Variants in GDAP2 observed in about 807,000 individuals in gnomAD.
GDAP2 encodes ganglioside induced differentiation associated protein 2, also known as ganglioside-induced differentiation-associated protein 2.
GDAP2 carries 51 observed loss-of-function variants against 67.0 expected under a neutral mutation model. The ratio of observed to expected loss-of-function variants is 0.76; its 90% CI spans 0.61 to 0.96. GDAP2 has a LOEUF of 0.96. Among genes scored for constraint, GDAP2 ranks in the 40% least tolerant of loss-of-function variants. GDAP2 has a pLI of 0.00. For synonymous variants in GDAP2, 203 were observed against 207.3 expected, an observed-to-expected ratio of 0.98 and a Z score of 0.18; for missense variants, 547 against 588.3, an observed-to-expected ratio of 0.93 and a Z score of 0.73.
At chr1:117,928,625 G>A (rs1415222580) in intron 1 of GDAP2, among the ~76,000 whole-genome samples, 1 of 152,176 alleles carries the variant, frequency 6.6e-6, no homozygotes, top group Non-Finnish European at 1.5e-5. Flanking sequence ...CTTTGCTATT[G>A]CAATTTTCTT....
chr1:117,921,608 G>A (rs1183752330), intron 1 of GDAP2, among the ~76,000 whole-genome samples: 1 of 152,214 alleles, frequency 6.6e-6, no homozygotes, highest in Non-Finnish European at 1.5e-5. Context: ...TAGGTAATGA[G>A]TGGTAGGTGA....
At position 117,892,549 on chromosome 1, in the gene GDAP2, C is replaced by CTATTATTTTATTTT. The variant is rs574693547; in HGVS notation, c.953+4283_953+4284insAAAATAAAATAATA. On this transcript the variant is annotated intron_variant, in intron 8 of 13. Transcript: ENST00000369443. Reference sequence around the variant, plus strand: ...TTTCTTATTCCAAATAAACAAACTTCTATTATTTTATGAGTAAATATAATA... The same window carrying CTATTATTTTATTTT: ...TTTCTTATTCCAAATAAACAAACTTCTATTATTTTATTTTTATTATTTTATGAGTAAATATAATA... Among the ~76,000 whole-genome samples the CTATTATTTTATTTT allele has an allele frequency of 2.7e-3, 405 of 152,156 alleles. 5 individuals carry two copies. In the East Asian group the frequency reaches 0.032, roughly 12 times the overall value.
intron 2 of GDAP2, 124 bp from the exon 3 acceptor site, chr1:117,918,860 TA>T: frequency 1.3e-6 from 1 of 741,232 alleles, no homozygotes; most frequent in African/African-American, 1.8e-5. Context: ...GCTCACAAGC[TA>T]AGCAATAGTA....
intron 1 of GDAP2, among the ~76,000 whole-genome samples, chr1:117,927,874 CTA>C (rs1557813790): frequency 1.3e-5 from 2 of 152,092 alleles, no homozygotes; most frequent in African/African-American, 2.4e-5. Context: ...ATGAACTGCA[CTA>C]TGTTTTAATT....
chr1:117,881,759 C>G, intron 12 of GDAP2, 64 bp downstream of exon 12: 1 of 852,534 alleles, frequency 1.2e-6, no homozygotes, highest in Non-Finnish European at 2.0e-6. Flanking sequence ...GAGCTATTAT[C>G]TTAATACTCT....
chr1:117,880,057 C>T (rs1224446939), intron 12 of GDAP2, among the ~76,000 whole-genome samples: 1 of 152,084 alleles, frequency 6.6e-6, no homozygotes, highest in Non-Finnish European at 1.5e-5. Context: ...TGATGGTGCA[C>T]GTCTGCAGTC....
At chr1:117,875,840 G>C (rs1412347682) in intron 13 of GDAP2, among the ~76,000 whole-genome samples, 2 of 152,172 alleles carry the variant, frequency 1.3e-5, no homozygotes, top group East Asian at 3.9e-4. Flanking sequence ...TTTTGGAATG[G>C]GAATGTTTAC....
intron 8 of GDAP2, among the ~76,000 whole-genome samples, chr1:117,888,033 G>GGTA (rs1648930231): frequency 1.3e-5 from 2 of 152,060 alleles, no homozygotes; most frequent in Non-Finnish European, 2.9e-5. Flanking sequence ...AGGTTGTACA[G>GGTA]GTAAATGGCT....
At chr1:117,883,437 T>C (rs1648734792) in intron 11 of GDAP2, 51 bp downstream of exon 11, 3 of 1,384,616 alleles carry the variant, frequency 2.2e-6, no homozygotes, top group Admixed American at 3.5e-5. Context: ...CTGCTTAATA[T>C]TAGAAAAGAA....
chr1:117,929,244 C>T (rs1650588277), intron 1 of GDAP2, among the ~76,000 whole-genome samples: 1 of 152,214 alleles, frequency 6.6e-6, no homozygotes, highest in Non-Finnish European at 1.5e-5. Context: ...TTTCACTTCT[C>T]GTAGAGACGG....
At chr1:117,929,387 G>A (rs1169569850) in intron 1 of GDAP2, 61 bp downstream of exon 1, 1 of 152,924 alleles carries the variant, frequency 6.5e-6, no homozygotes, top group African/African-American at 2.4e-5. Context: ...CGAGCGCCTC[G>A]GACCGCGCCC....
intron 12 of GDAP2, among the ~76,000 whole-genome samples, chr1:117,880,336 G>A (rs1454423849): frequency 6.6e-6 from 1 of 152,112 alleles, no homozygotes; most frequent in African/African-American, 2.4e-5. Flanking sequence ...AAGGCTGCAG[G>A]GAATGCAGGT....
chr1:117,868,843 T>C lies in GDAP2; in HGVS notation c.*1726A>G, dbSNP rs1164749488. 1 of 152,134 alleles carries C rather than the reference T, an allele frequency of 6.6e-6. No homozygotes were observed. Among genetic ancestry groups the C allele is most frequent in the African/African-American group, 2.4e-5 (1 of 41,444 alleles). The allele number at this position is 152,134 out of a possible 1,614,324, so 9.4% of individuals were successfully genotyped here. On this transcript the variant is annotated 3_prime_UTR_variant, in exon 14 of 14. Coordinates refer to ENST00000369443, the MANE Select transcript of GDAP2 (RefSeq NM_017686.4). ...GGGGACATAAGAGAAAATCTTAACATAGATGTATATATAAGGATCAAGTAA... is the reference window on the plus strand; with the variant it reads ...GGGGACATAAGAGAAAATCTTAACACAGATGTATATATAAGGATCAAGTAA...
intron 8 of GDAP2, among the ~76,000 whole-genome samples, chr1:117,888,360 T>A (rs969385385): frequency 6.6e-6 from 1 of 152,174 alleles, no homozygotes; most frequent in Admixed American, 6.6e-5. Flanking sequence ...TCAAACTAGT[T>A]GTAGTGATAT....
chr1:117,870,568 G>A lies in GDAP2; in HGVS notation c.*1C>T. On this transcript the variant is annotated 3_prime_UTR_variant, in exon 14 of 14. Transcript: ENST00000369443. ...ACCAAGAAGCACTGAAAGATGGCAG[G>A]TCACAAATCTGGTGATGGGGGATAT... 6.3e-7 allele frequency: 1 copy of A among 1,594,242 alleles called. No homozygotes were observed. Among genetic ancestry groups the A allele is most frequent in the Non-Finnish European group, 8.6e-7 (1 of 1,162,136 alleles).
intron 13 of GDAP2, 91 bp downstream of exon 13, chr1:117,877,918 G>C: frequency 6.9e-7 from 1 of 1,448,436 alleles, no homozygotes; most frequent in Middle Eastern, 1.9e-4. Context: ...ATTAATATCT[G>C]GTAATGACAG....
chr1:117,881,404 G>A (rs1292649101), intron 12 of GDAP2, among the ~76,000 whole-genome samples: 1 of 152,126 alleles, frequency 6.6e-6, no homozygotes, highest in Non-Finnish European at 1.5e-5. Context: ...ACATAACAAT[G>A]ATATAAGACT....
intron 3 of GDAP2, 63 bp from the exon 4 acceptor site, chr1:117,912,746 G>A: frequency 7.3e-7 from 1 of 1,368,986 alleles, no homozygotes; most frequent in East Asian, 2.3e-5. Flanking sequence ...AAAAACAAAT[G>A]AAAGCATGAA....
intron 12 of GDAP2, among the ~76,000 whole-genome samples, chr1:117,880,320 GT>G (rs1648609862): frequency 6.6e-6 from 1 of 152,204 alleles, no homozygotes; most frequent in Admixed American, 6.5e-5. Flanking sequence ...GTGATCAACT[GT>G]GTTTAAGGCT....
Sources: allele counts gnomAD v4.1 joint callset (sites outside exome capture counted in the v4.1 genomes callset), GRCh38; gene constraint gnomAD v4.1.1; transcripts MANE v1.5; gene names NCBI Gene and HGNC (gene_info 2026-07-23, HGNC 2026-07-21).